The following PDE1C variants were observed in gnomAD, a reference collection of about 807,000 sequenced individuals.
PDE1C encodes the protein phosphodiesterase 1C.
In PDE1C, 62 loss-of-function variants were observed where a neutral mutation model predicts 93.1. The ratio of observed to expected loss-of-function variants is 0.67; its 90% CI spans 0.54 to 0.82. The LOEUF (loss-of-function observed/expected upper bound fraction) is 0.82, where lower values mean the gene tolerates loss of function less well. PDE1C is among the 40% of genes least tolerant of loss of function. The probability of loss-of-function intolerance (pLI) is 0.00; values close to 1 mark genes in which losing one functional copy is unlikely to be tolerated. For missense variants in PDE1C, 742 were observed against 884.6 expected (o/e 0.84, Z 2.04); for synonymous variants, 325 against 310.1 (o/e 1.05, Z -0.50).
intron 1 of PDE1C, among the ~76,000 whole-genome samples, chr7:32,242,598 T>C (rs1808623067): frequency 6.6e-6 from 1 of 152,030 alleles, no homozygotes; most frequent in South Asian, 2.1e-4. Flanking sequence ...CGAGGAACAA[T>C]TGGAGGTAGC....
intron 1 of PDE1C, among the ~76,000 whole-genome samples, chr7:32,281,461 T>C (rs1811622944): frequency 6.6e-6 from 1 of 152,180 alleles, no homozygotes; most frequent in African/African-American, 2.4e-5. Flanking sequence ...GGTTCACACC[T>C]GTAATCCCAG....
At chr7:31,651,382 C>T in the PDE1C span, 1 of 1,226,116 alleles carries the variant, frequency 8.2e-7, no homozygotes, top group Non-Finnish European at 1.1e-6. Flanking sequence ...GAGAAACCGG[C>T]CAGCTTTTCC....
chr7:31,860,259 G>C (rs542136460), intron 7 of PDE1C, among the ~76,000 whole-genome samples: 15 of 152,238 alleles, frequency 9.9e-5, no homozygotes, highest in Middle Eastern at 3.4e-3. Context: ...GTCATAACTG[G>C]AGTGGGGAGT....
chr7:32,301,423 C>T (rs1812879256), upstream of PDE1C, among the ~76,000 whole-genome samples: 1 of 152,092 alleles, frequency 6.6e-6, no homozygotes, highest in African/African-American at 2.4e-5. Flanking sequence ...TGAAATATAA[C>T]CTATGAAAAT....
intron 2 of PDE1C, among the ~76,000 whole-genome samples, chr7:32,177,377 G>A (rs1289261822): frequency 6.6e-6 from 1 of 152,172 alleles, no homozygotes; most frequent in African/African-American, 2.4e-5. Context: ...TCTAGCATCT[G>A]TAAACTTGAG....
intron 2 of PDE1C, among the ~76,000 whole-genome samples, chr7:32,203,663 G>C (rs1229381750): frequency 1.3e-5 from 2 of 151,978 alleles, no homozygotes; most frequent in Admixed American, 6.6e-5. Flanking sequence ...TTATCCGAGG[G>C]GGTACGTTCC....
intron 1 of PDE1C, among the ~76,000 whole-genome samples, chr7:32,402,584 C>T (rs145449618): frequency 6.6e-6 from 1 of 152,148 alleles, no homozygotes; most frequent in African/African-American, 2.4e-5. Context: ...TTTACTCAGT[C>T]TACTGATTCA....
intron 2 of PDE1C, among the ~76,000 whole-genome samples, chr7:31,962,964 A>T (rs146865947): frequency 4.6e-5 from 7 of 152,322 alleles, no homozygotes; most frequent in African/African-American, 1.7e-4. Context: ...CAACTCCCTC[A>T]TTAAGTTTAG....
chr7:31,714,574 T>C, the PDE1C span, among the ~76,000 whole-genome samples: 1 of 152,198 alleles, frequency 6.6e-6, no homozygotes, highest in Non-Finnish European at 1.5e-5. Flanking sequence ...TTCATGCTAC[T>C]GATAAAGACA....
the PDE1C span, chr7:31,697,091 C>T: frequency 1.2e-5 from 19 of 1,614,084 alleles, no homozygotes; most frequent in African/African-American, 1.3e-4. Context: ...GACACACCTG[C>T]CCTGCACATG....
At chr7:32,234,195 AAG>A (rs1174960055) in intron 1 of PDE1C, among the ~76,000 whole-genome samples, 1 of 152,028 alleles carries the variant, frequency 6.6e-6, no homozygotes, top group African/African-American at 2.4e-5. Context: ...ATTAGGAAAA[AAG>A]AGTTATTAAA....
intron 2 of PDE1C, among the ~76,000 whole-genome samples, chr7:32,027,987 C>G (rs1789719821): frequency 2.6e-5 from 4 of 152,066 alleles, no homozygotes; most frequent in Admixed American, 2.6e-4. Flanking sequence ...TTAAGTATGT[C>G]TCTAATAAAC....
At chr7:32,359,902 T>C (rs1288079458) in intron 1 of PDE1C, among the ~76,000 whole-genome samples, 1 of 152,084 alleles carries the variant, frequency 6.6e-6, no homozygotes, top group African/African-American at 2.4e-5. Flanking sequence ...TGCCACCCCA[T>C]CCAGGAAGTC....
intron 2 of PDE1C, among the ~76,000 whole-genome samples, chr7:32,199,602 T>C (rs1378039350): frequency 6.6e-6 from 1 of 152,250 alleles, no homozygotes; most frequent in Admixed American, 6.5e-5. Context: ...GTTGGGGTTT[T>C]ATGCTATATT....
Position 32,319,215 on chromosome 7 carries a change from T to G in PDE1C, c.310+108607A>C, listed in dbSNP as rs1018030950. ...GGAGATGACCAGAGCGCCACGTGCT[T>G]GGAGACCGTTTTCGGACACTTCACT... On this transcript the variant is annotated intron_variant, in intron 1 of 1. Transcript: ENST00000672256. 5.9e-5 allele frequency among the ~76,000 whole-genome samples: 9 copies of G among 152,346 alleles called. 1 individual carries two copies. The highest frequency in any genetic ancestry group is 5.2e-4 in the Admixed American group (8 of 15,310).
chr7:31,643,211 C>T, the PDE1C span: 32 of 1,613,966 alleles, frequency 2.0e-5, no homozygotes, highest in African/African-American at 4.3e-4. Context: ...CATGTTGACT[C>T]TGAGGCCCCA....
chr7:32,005,180 T>C (rs1786030589), intron 2 of PDE1C, among the ~76,000 whole-genome samples: 1 of 152,012 alleles, frequency 6.6e-6, no homozygotes, highest in Non-Finnish European at 1.5e-5. Context: ...GGCCATGAAC[T>C]CTCATCATTA....
chr7:31,812,988 G>A (rs1173908050), intron 15 of PDE1C, among the ~76,000 whole-genome samples: 1 of 151,884 alleles, frequency 6.6e-6, no homozygotes, highest in African/African-American at 2.4e-5. Context: ...CCACAACATG[G>A]GAATGAGTTT....
intron 3 of PDE1C, among the ~76,000 whole-genome samples, chr7:32,132,711 CT>C (rs1261143660): frequency 6.6e-6 from 1 of 152,048 alleles, no homozygotes; most frequent in Non-Finnish European, 1.5e-5. Context: ...AGTTAAGTTG[CT>C]ACCCAGAAAA....
Sources: allele counts gnomAD v4.1 joint callset (sites outside exome capture counted in the v4.1 genomes callset), GRCh38; gene constraint gnomAD v4.1.1; transcripts MANE v1.5; gene names NCBI Gene and HGNC (gene_info 2026-07-23, HGNC 2026-07-21).